The following BIRC6 variants were observed in gnomAD, a reference collection of about 807,000 sequenced individuals.
BIRC6 encodes dual E2 ubiquitin-conjugating enzyme/E3 ubiquitin-protein ligase BIRC6.
BIRC6 carries 98 observed loss-of-function variants against 503.3 expected under a neutral mutation model. The observed-to-expected ratio is 0.19, with a 90% CI of 0.17 to 0.23. BIRC6 has a LOEUF of 0.23. Ranked by LOEUF, BIRC6 falls within the 10% of genes least tolerant of loss-of-function variation. The probability of loss-of-function intolerance (pLI) is 1.00; values close to 1 mark genes in which losing one functional copy is unlikely to be tolerated. For synonymous variants in BIRC6, 2,240 were observed against 2,078.7 expected (o/e 1.08, Z -2.11); for missense variants, 5,360 against 5,806.0 (o/e 0.92, Z 2.50).
chr2:32,476,922 A>G lies in BIRC6; in HGVS notation c.6853-446A>G, dbSNP rs188973914. ...AAATTTTGAGGGATACCGTGTATGT[A>G]TCAAACAAGTTTGTAGTCTTTCTAT... is the stretch of plus-strand genomic sequence containing the variant. On this transcript the variant is annotated intron_variant, in intron 34 of 73. Transcript: ENST00000421745. Among the ~76,000 whole-genome samples, 6 of 152,322 alleles carry G rather than the reference A, an allele frequency of 3.9e-5. No homozygotes were observed. In the East Asian group the frequency reaches 1.2e-3, roughly 29 times the overall value.
At chr2:32,538,315 A>G (rs905228236) in intron 61 of BIRC6, among the ~76,000 whole-genome samples, 10 of 152,192 alleles carry the variant, frequency 6.6e-5, no homozygotes, top group African/African-American at 2.4e-4. Flanking sequence ...ATGAACTAGA[A>G]TGCTGAAAAA....
At chr2:32,530,085 A>AT (rs1221964325) in intron 60 of BIRC6, among the ~76,000 whole-genome samples, 1 of 152,180 alleles carries the variant, frequency 6.6e-6, no homozygotes, top group Non-Finnish European at 1.5e-5. Flanking sequence ...GTGAATTGTC[A>AT]TTTTATAATA....
At chr2:32,613,662 T>TA (rs1206036853) in intron 73 of BIRC6, among the ~76,000 whole-genome samples, 1 of 152,140 alleles carries the variant, frequency 6.6e-6, no homozygotes, top group Non-Finnish European at 1.5e-5. Flanking sequence ...GCCTGACTGA[T>TA]AGACTATTAG....
chr2:32,575,375 T>C lies in BIRC6; in HGVS notation c.13355+9T>C, dbSNP rs376143683. On this transcript the variant is annotated intron_variant, in intron 66 of 73. Transcript: ENST00000421745. ...TATACCAACCGTTTAAGGTACTATA[T>C]ACAATGTTCATTTCTCTTGAGTTTG... is the stretch of plus-strand genomic sequence containing the variant. The C allele has an allele frequency of 3.4e-5, 54 of 1,610,296 alleles. No individual in the cohort carries two copies. Among genetic ancestry groups the C allele is most frequent in the Non-Finnish European group, 3.7e-5 (44 of 1,176,696 alleles).
chr2:32,452,657 AT>A (rs1230480471), intron 22 of BIRC6, among the ~76,000 whole-genome samples: 2 of 152,052 alleles, frequency 1.3e-5, no homozygotes, highest in Admixed American at 6.6e-5. Context: ...GAATCCCCTC[AT>A]TTTGTTAGAG....
intron 10 of BIRC6, among the ~76,000 whole-genome samples, chr2:32,416,990 C>T (rs1182677574): frequency 4.0e-5 from 6 of 151,578 alleles, no homozygotes; most frequent in Non-Finnish European, 8.8e-5. Context: ...CACGTGGCAC[C>T]ATGCCCGGCT....
In BIRC6 at chr2:32,505,064, C is replaced by G. The variant is rs752499477; in HGVS notation, c.9559C>G (p.Pro3187Ala). 103 of 1,613,658 alleles carry G rather than the reference C, an allele frequency of 6.4e-5. No individual in the cohort carries two copies. Among genetic ancestry groups the G allele is most frequent in the Non-Finnish European group, 8.6e-5 (102 of 1,179,802 alleles). Residue 3187 changes from proline (P) to alanine (A), a missense_variant, in exon 50 of 74, where the codon CCT becomes GCT. Transcript: ENST00000421745. ...AGCTGAAGTGCTATTGCAGGCCACA[C>G]CTCCTCACAGAAGAGCTCGCTCTGC... Reference protein sequence around the residue: ...QPAEVLLQATPPHRRARSAAW... With the variant: ...QPAEVLLQATAPHRRARSAAW...
At chr2:32,605,912 A>G (rs1204012574) in intron 71 of BIRC6, among the ~76,000 whole-genome samples, 1 of 152,222 alleles carries the variant, frequency 6.6e-6, no homozygotes, top group African/African-American at 2.4e-5. Context: ...CAGAAATAAT[A>G]TGAATTAAAG....
chr2:32,537,974 A>AT (rs889059110), intron 61 of BIRC6, among the ~76,000 whole-genome samples: 6 of 152,144 alleles, frequency 3.9e-5, no homozygotes, highest in Non-Finnish European at 5.9e-5. Context: ...CAAAAAAAAA[A>AT]AAGCAAACAA....
chr2:32,435,018 G>C (rs1574181781), intron 13 of BIRC6, among the ~76,000 whole-genome samples: 4 of 152,180 alleles, frequency 2.6e-5, no homozygotes, highest in Admixed American at 2.6e-4. Flanking sequence ...TTTGACATCT[G>C]TGGGGGTCCT....
rs1227218484 is a variant in BIRC6, at chr2:32,597,856, C to T, written c.13718C>T (p.Ala4573Val). The T allele has an allele frequency of 3.7e-6, 6 of 1,613,788 alleles. No individual in the cohort carries two copies. In the Admixed American group the frequency reaches 6.7e-5, roughly 18 times the overall value. ...AATGCTAATGATGCGAACAGTGCTG[C>T]CAGAGCTCGCCGCCTTGCCCAGGAA... ...VKNANDANSA[A>V]RARRLAQEAV... is the part of the protein sequence containing the mutation. Residue 4573 changes from alanine (A) to valine (V), a missense_variant, in exon 69 of 74, where the codon GCC (alanine) becomes GTC (valine). Ala to Val is a moderately conservative substitution (Grantham distance 64). Transcript: ENST00000421745.
chr2:32,604,040 T>TCATGCTGGCTGCTTTTTTG (rs2062255788), intron 71 of BIRC6, among the ~76,000 whole-genome samples: 1 of 152,090 alleles, frequency 6.6e-6, no homozygotes, highest in Non-Finnish European at 1.5e-5. Context: ...ATCAGACAGT[T>TCATGCTGGCTGCTTTTTTG]CATGCTGGCT....
intron 71 of BIRC6, among the ~76,000 whole-genome samples, chr2:32,606,093 T>C (rs2062429341): frequency 6.6e-6 from 1 of 152,250 alleles, no homozygotes; most frequent in South Asian, 2.1e-4. Context: ...CTGTTCTTTT[T>C]CATTTATGAA....
intron 20 of BIRC6, 78 bp downstream of exon 20, chr2:32,443,666 A>G: frequency 8.8e-7 from 1 of 1,139,662 alleles, no homozygotes; most frequent in South Asian, 1.5e-5. Flanking sequence ...TTATTTCATA[A>G]CTACTTTTTC....
chr2:32,460,784 A>C (rs1394487059), intron 23 of BIRC6, among the ~76,000 whole-genome samples: 1 of 151,774 alleles, frequency 6.6e-6, no homozygotes, highest in Non-Finnish European at 1.5e-5. Flanking sequence ...GTTAGATTTT[A>C]AAATCAATTA....
At chr2:32,488,456 A>T (rs2051270880) in intron 41 of BIRC6, 132 bp from the exon 42 acceptor site, 1 of 627,644 alleles carries the variant, frequency 1.6e-6, no homozygotes, top group African/African-American at 1.9e-5. Context: ...AGATGCTTTT[A>T]AGTGTGAAGA....
chr2:32,430,801 T>G, intron 11 of BIRC6, 64 bp from the exon 12 acceptor site: 1 of 1,094,216 alleles, frequency 9.1e-7, no homozygotes. Context: ...CACTTCATTG[T>G]CTTCTTTTTT....
At position 32,357,366 on chromosome 2, in the gene BIRC6, G is replaced by A; in HGVS notation, c.205G>A (p.Gly69Arg). 1.3e-6 allele frequency: 2 copies of A among 1,547,506 alleles called. No homozygotes were observed. Among genetic ancestry groups the A allele is most frequent in the Non-Finnish European group, 1.7e-6 (2 of 1,146,332 alleles). ...RDGCMHCDAD[G>R]LHSLSYHPAL... ...CGGCTGCATGCACTGCGACGCCGAC[G>A]GGCTGCACAGCCTGTCCTACCACCC... Residue 69 changes from glycine to arginine, a missense_variant, in exon 1 of 74, where the codon GGG (glycine) becomes AGG (arginine). By Grantham distance (125) the Gly-to-Arg change is moderately radical. This residue lies in a region of BIRC6 where 145 missense variants were observed against 106.9 expected (regional missense o/e 1.36). Coordinates refer to ENST00000421745, the MANE Select transcript of BIRC6 (RefSeq NM_016252.4). The surrounding 1 kb of genome is among the most constrained non-coding windows in gnomAD (Gnocchi z 4.9).
chr2:32,435,440 T>C lies in BIRC6; in HGVS notation c.3410-56T>C, dbSNP rs2148115552. ...TTAAAGAAAATTAAGTTTACTAATA[T>C]TTTTATCCTCTAGAAACAGCAGTAG... On this transcript the variant is annotated intron_variant, in intron 13 of 73. Coordinates refer to ENST00000421745, the MANE Select transcript of BIRC6 (RefSeq NM_016252.4). 5 of 1,463,896 alleles carry C rather than the reference T, an allele frequency of 3.4e-6. No homozygotes were observed. In the East Asian group the frequency reaches 1.0e-4, roughly 30 times the overall value. The allele number at this position is 1,463,896 out of a possible 1,614,324, so 90.7% of individuals were successfully genotyped here. A position where few individuals can be genotyped will look rare whatever the true frequency, so the allele number is the denominator to read the frequency against.
Sources: gnomAD v4.1 joint callset for allele counts (sites outside exome capture counted in the v4.1 genomes callset) on GRCh38, gnomAD v4.1.1 for gene constraint, gnomAD v4.1.1 regional missense constraint, Gnocchi (gnomAD v3.1) non-coding constraint, MANE v1.5 for transcripts, NCBI Gene and HGNC (gene_info 2026-07-23, HGNC 2026-07-21) for gene names.